Variants in PREP observed in about 807,000 individuals in gnomAD.
PREP encodes prolyl endopeptidase, also known as dJ355L5.1 (prolyl endopeptidase).
Under a neutral mutation model 87.6 loss-of-function variants are expected in PREP, and 29 were observed. The observed-to-expected ratio is 0.33, with a 90% confidence interval of 0.25 to 0.45. The LOEUF (loss-of-function observed/expected upper bound fraction) is 0.45, where lower values mean the gene tolerates loss of function less well. PREP is among the 20% of genes least tolerant of loss of function. The probability of loss-of-function intolerance (pLI) is 1.00; values close to 1 mark genes in which losing one functional copy is unlikely to be tolerated. For synonymous variants in PREP, 337 were observed against 328.6 expected (o/e 1.03, Z -0.28); for missense variants, 695 against 886.5 (o/e 0.78, Z 2.74).
At chr6:105,368,050 T>C (rs1431740736) in intron 6 of PREP, among the ~76,000 whole-genome samples, 1 of 152,224 alleles carries the variant, frequency 6.6e-6, no homozygotes. Context: ...GATTCCTGTT[T>C]TGTCCCCCAA....
rs142226612 is a variant in PREP at position 105,359,294 on chromosome 6, T to G, written c.718-6217A>C. Among the ~76,000 whole-genome samples the G allele has an allele frequency of 6.6e-4, 100 of 152,262 alleles. No individual in the cohort carries two copies. In the East Asian group the frequency reaches 0.018, roughly 28 times the overall value. ...CAGAAAAGGCCATGTTGTAGAACATTAATAGCAAGAAGTACAATGTATGAT... is the reference window on the plus strand; with the variant it reads ...CAGAAAAGGCCATGTTGTAGAACATGAATAGCAAGAAGTACAATGTATGAT... On this transcript the variant is annotated intron_variant, in intron 6 of 14. Transcript: ENST00000652536.
chr6:105,322,667 C>G (rs1771043015), intron 10 of PREP: 1 of 992,348 alleles, frequency 1.0e-6, no homozygotes, highest in Non-Finnish European at 1.2e-6. Flanking sequence ...AATATGTAAA[C>G]AAATGGGCAT....
At position 105,277,017 on chromosome 6, in the gene PREP, T is replaced by TAAG. The variant is rs1281417690; in HGVS notation, c.*1124_*1126dup. ...CAAGACAAAGGAAAAAAAACTGTTT[T>TAAG]AAGTTAGATCAGCATTTCCCAAACT... On this transcript the variant is annotated 3_prime_UTR_variant, in exon 15 of 15. Transcript: ENST00000652536. 2.0e-5 allele frequency among the ~76,000 whole-genome samples: 3 copies of TAAG among 152,140 alleles called. No individual in the cohort carries two copies. The highest frequency in any genetic ancestry group is 4.4e-5 in the Non-Finnish European group (3 of 68,026).
chr6:105,373,736 A>G (rs1772617815), intron 4 of PREP, among the ~76,000 whole-genome samples, 158 bp from the exon 5 acceptor site: 1 of 152,208 alleles, frequency 6.6e-6, no homozygotes, highest in South Asian at 2.1e-4. Flanking sequence ...GGCTCAGCCC[A>G]AGTTTTACAG....
chr6:105,398,425 G>T (rs542227693), intron 1 of PREP, among the ~76,000 whole-genome samples: 6 of 152,370 alleles, frequency 3.9e-5, no homozygotes, highest in Admixed American at 2.6e-4. Context: ...CAAAAAGCAA[G>T]TTACTAATAT....
At chr6:105,285,961 A>C (rs1204124829) in intron 11 of PREP, among the ~76,000 whole-genome samples, 2 of 152,102 alleles carry the variant, frequency 1.3e-5, no homozygotes, top group African/African-American at 4.8e-5. Flanking sequence ...TTTTTAGTAG[A>C]GATGGGGTTT....
intron 6 of PREP, 69 bp downstream of exon 6, chr6:105,368,834 A>T: frequency 1.3e-6 from 2 of 1,566,982 alleles, no homozygotes; most frequent in Middle Eastern, 1.7e-4. Context: ...TCACCACATA[A>T]TAAGAATATT....
intron 2 of PREP, among the ~76,000 whole-genome samples, chr6:105,390,149 C>G (rs540029777): frequency 1.3e-5 from 2 of 152,244 alleles, no homozygotes; most frequent in South Asian, 4.2e-4. Flanking sequence ...GGATTCTTAT[C>G]CTGCAATCCT....
At chr6:105,310,528 G>A (rs1770738211) in intron 10 of PREP, among the ~76,000 whole-genome samples, 2 of 152,130 alleles carry the variant, frequency 1.3e-5, no homozygotes, top group African/African-American at 4.8e-5. Context: ...AGCACTGGGT[G>A]TTGCCTGCCA....
At chr6:105,321,215 C>T (rs1330927480) in intron 10 of PREP, among the ~76,000 whole-genome samples, 1 of 152,190 alleles carries the variant, frequency 6.6e-6, no homozygotes, top group Non-Finnish European at 1.5e-5. Flanking sequence ...GTTGCATTTT[C>T]TAAATATGGA....
At chr6:105,322,206 T>A in intron 10 of PREP, 1 of 779,590 alleles carries the variant, frequency 1.3e-6, no homozygotes, top group Non-Finnish European at 1.6e-6. Context: ...CTACAGGATC[T>A]CCCTCCAGGC....
intron 2 of PREP, among the ~76,000 whole-genome samples, chr6:105,391,034 T>TACACACACACACACACAC (rs59538588): frequency 4.1e-4 from 58 of 141,386 alleles, no homozygotes; most frequent in African/African-American, 1.6e-3. Flanking sequence ...TCTGGTTTTA[T>TACACACACACACACACAC]ACACACACAC....
At position 105,345,781 on chromosome 6, in the gene PREP, T is replaced by C. The variant is rs2114675219; in HGVS notation, c.823+7191A>G. On this transcript the variant is annotated intron_variant, in intron 7 of 14. Coordinates refer to ENST00000652536, the MANE Select transcript of PREP (RefSeq NM_002726.5). ...AATCTTTAAATGGCATTAGGAAAGCTAGTTGGCCTCACCAGCCTCAGTTTC... is the reference window on the plus strand; with the variant it reads ...AATCTTTAAATGGCATTAGGAAAGCCAGTTGGCCTCACCAGCCTCAGTTTC... 2.0e-5 allele frequency among the ~76,000 whole-genome samples: 3 copies of C among 152,318 alleles called. No individual in the cohort carries two copies. In the Middle Eastern group the frequency reaches 0.01, roughly 518 times the overall value.
intron 2 of PREP, among the ~76,000 whole-genome samples, chr6:105,391,242 C>A (rs1183969684): frequency 6.6e-6 from 1 of 151,726 alleles, no homozygotes; most frequent in African/African-American, 2.4e-5. Context: ...ATTAGCTGGG[C>A]ATCGTGGTGG....
intron 2 of PREP, among the ~76,000 whole-genome samples, chr6:105,377,803 G>A (rs1376144556): frequency 6.6e-6 from 1 of 152,186 alleles, no homozygotes; most frequent in African/African-American, 2.4e-5. Flanking sequence ...ATCCTATGGA[G>A]AAGGTCCTTT....
chr6:105,402,910 G>T lies in PREP; in HGVS notation c.-19C>A. ...ACAGCATGGCCGGGGACAGGCAGGG[G>T]GCAGCGTGGAGGGGCGCGGGCTCCG... On this transcript the variant is annotated 5_prime_UTR_variant, in exon 1 of 15. Coordinates refer to ENST00000652536, the MANE Select transcript of PREP (RefSeq NM_002726.5). The T allele has an allele frequency of 6.8e-7, 1 of 1,464,946 alleles. No homozygotes were observed. The allele number at this position is 1,464,946 out of a possible 1,614,324, so 90.7% of individuals were successfully genotyped here. A position where few individuals can be genotyped will look rare whatever the true frequency, so the allele number is the denominator to read the frequency against.
intron 10 of PREP, among the ~76,000 whole-genome samples, chr6:105,310,360 A>G (rs1770734934): frequency 6.6e-6 from 1 of 152,214 alleles, no homozygotes; most frequent in African/African-American, 2.4e-5. Flanking sequence ...GAAACCTGTG[A>G]TAAGAGCGTC....
intron 6 of PREP, among the ~76,000 whole-genome samples, chr6:105,364,853 A>C (rs1254033572): frequency 6.6e-6 from 1 of 152,210 alleles, no homozygotes; most frequent in Non-Finnish European, 1.5e-5. Flanking sequence ...CTGTTATCTA[A>C]ATACTAGGTT....
intron 10 of PREP, chr6:105,302,480 CG>C (rs1363970786): frequency 3.1e-5 from 10 of 317,982 alleles, no homozygotes; most frequent in African/African-American, 1.3e-4. Flanking sequence ...ACTTCTGCAG[CG>C]GGTACGGCCG....
Sources: gnomAD v4.1 joint callset for allele counts (sites outside exome capture counted in the v4.1 genomes callset) on GRCh38, gnomAD v4.1.1 for gene constraint, MANE v1.5 for transcripts, NCBI Gene and HGNC (gene_info 2026-07-23, HGNC 2026-07-21) for gene names.